Variants in CLYBL observed in about 807,000 individuals in gnomAD.
CLYBL encodes citramalyl-CoA lyase, also known as citramalyl-CoA lyase, mitochondrial.
Under a neutral mutation model 38.9 loss-of-function variants are expected in CLYBL, and 31 were observed. The observed-to-expected ratio is 0.80, with a 90% CI of 0.60 to 1.08. CLYBL has a LOEUF of 1.08. Ranked by LOEUF, CLYBL falls within the 50% of genes least tolerant of loss-of-function variation. CLYBL has a pLI of 0.00. For synonymous variants in CLYBL, 171 were observed against 158.6 expected (o/e 1.08, Z -0.59); for missense variants, 434 against 411.6 (o/e 1.05, Z -0.47).
intron 2 of CLYBL, among the ~76,000 whole-genome samples, chr13:99,813,756 A>G (rs896529560): frequency 6.6e-6 from 1 of 152,218 alleles, no homozygotes; most frequent in African/African-American, 2.4e-5. Context: ...GTAGTACTGT[A>G]TATATATACT....
downstream of CLYBL, chr13:99,894,585 T>C (rs2052548669): frequency 2.0e-5 from 3 of 152,004 alleles, no homozygotes; most frequent in Non-Finnish European, 4.4e-5. Flanking sequence ...TAATAAATCA[T>C]CAGGTGCAAG....
chr13:99,769,769 A>G (rs1301972121), intron 1 of CLYBL, among the ~76,000 whole-genome samples: 1 of 152,196 alleles, frequency 6.6e-6, no homozygotes, highest in Non-Finnish European at 1.5e-5. Context: ...TTGTGGCAAA[A>G]TAAGACCCAG....
intron 2 of CLYBL, among the ~76,000 whole-genome samples, chr13:99,828,192 A>C (rs998741558): frequency 5.3e-5 from 8 of 152,082 alleles, no homozygotes; most frequent in Admixed American, 2.6e-4. Context: ...ATGGGCAAAA[A>C]CTCTATAGAG....
intron 2 of CLYBL, among the ~76,000 whole-genome samples, chr13:99,813,525 A>G (rs2050382816): frequency 6.6e-6 from 1 of 152,188 alleles, no homozygotes; most frequent in South Asian, 2.1e-4. Flanking sequence ...GACTAACAGG[A>G]TAGACTTTGG....
At chr13:99,852,242 C>CT (rs994365625) in intron 2 of CLYBL, among the ~76,000 whole-genome samples, 2 of 152,138 alleles carry the variant, frequency 1.3e-5, no homozygotes, top group Non-Finnish European at 2.9e-5. Flanking sequence ...TACATACCTT[C>CT]TTTTTTTGTT....
At chr13:99,734,913 T>C (rs2048643666) in intron 1 of CLYBL, among the ~76,000 whole-genome samples, 1 of 152,208 alleles carries the variant, frequency 6.6e-6, no homozygotes, top group Non-Finnish European at 1.5e-5. Context: ...TATATTACTA[T>C]AAAATCTACC....
intron 7 of CLYBL, among the ~76,000 whole-genome samples, chr13:99,889,495 G>A (rs539282441): frequency 2.0e-5 from 3 of 152,246 alleles, no homozygotes; most frequent in Admixed American, 1.3e-4. Flanking sequence ...AAATTAGCTC[G>A]AGGCTGAATG....
chr13:99,752,644 T>C (rs187796033), intron 1 of CLYBL, among the ~76,000 whole-genome samples: 33 of 152,224 alleles, frequency 2.2e-4, no homozygotes, highest in Non-Finnish European at 4.1e-4. Context: ...GTCCCTGCGC[T>C]GCTGTCTTCC....
intron 2 of CLYBL, among the ~76,000 whole-genome samples, chr13:99,835,090 G>C (rs1241136541): frequency 1.3e-5 from 2 of 152,212 alleles, no homozygotes; most frequent in African/African-American, 2.4e-5. Flanking sequence ...CTGTCTCTCT[G>C]TGGTTACCTC....
At chr13:99,668,691 A>T (rs964886326) in intron 1 of CLYBL, among the ~76,000 whole-genome samples, 6 of 152,196 alleles carry the variant, frequency 3.9e-5, no homozygotes, top group African/African-American at 1.4e-4. Context: ...GCTGATGTCT[A>T]AATCCCCTCC....
At chr13:99,655,556 T>C (rs1268631350) in intron 1 of CLYBL, among the ~76,000 whole-genome samples, 1 of 152,190 alleles carries the variant, frequency 6.6e-6, no homozygotes, top group East Asian at 1.9e-4. Flanking sequence ...GGAGGGGCGC[T>C]ACTAGGGGGT....
At chr13:99,700,948 G>A (rs557446766) in intron 1 of CLYBL, among the ~76,000 whole-genome samples, 1 of 151,986 alleles carries the variant, frequency 6.6e-6, no homozygotes, top group Admixed American at 6.5e-5. Context: ...AGATTTCTTC[G>A]TCGATGTCAG....
Position 99,719,039 on chromosome 13 carries a change from C to T in CLYBL, c.63-53785C>T, listed in dbSNP as rs528809980. Among the ~76,000 whole-genome samples, 38 of 151,862 alleles carry T rather than the reference C, an allele frequency of 2.5e-4. 2 individuals are homozygous for T. The South Asian group carries it at 6.0e-3, about 24-fold the overall frequency. ...GTATTTTTAGTAGAGATTTCTCCTA[C>T]ATGGGGTTTCTCCATGTTGGTCAGG... On this transcript the variant is annotated intron_variant, in intron 1 of 8. Coordinates refer to ENST00000339105, the MANE Select transcript of CLYBL (RefSeq NM_206808.5).
At chr13:99,725,972 C>T (rs1157423433) in intron 1 of CLYBL, among the ~76,000 whole-genome samples, 1 of 152,142 alleles carries the variant, frequency 6.6e-6, no homozygotes, top group Non-Finnish European at 1.5e-5. Context: ...ATCCCTTTTT[C>T]TCCAGTTGAA....
chr13:99,658,330 C>A (rs549817328), intron 1 of CLYBL, among the ~76,000 whole-genome samples: 1 of 152,348 alleles, frequency 6.6e-6, no homozygotes, highest in South Asian at 2.1e-4. Flanking sequence ...CCACCTTCAG[C>A]GCTCCTCCCA....
At chr13:99,781,377 A>G (rs567191841) in intron 2 of CLYBL, among the ~76,000 whole-genome samples, 7 of 151,666 alleles carry the variant, frequency 4.6e-5, no homozygotes, top group Non-Finnish European at 7.4e-5. Flanking sequence ...TCACTGTGTT[A>G]GCCAGGATGG....
intron 2 of CLYBL, among the ~76,000 whole-genome samples, chr13:99,781,071 T>C (rs1408596120): frequency 6.6e-6 from 1 of 151,770 alleles, no homozygotes; most frequent in Non-Finnish European, 1.5e-5. Context: ...CACCATTATA[T>C]TTCATAATGT....
chr13:99,644,605 C>A (rs939692491), intron 1 of CLYBL, among the ~76,000 whole-genome samples: 2 of 152,078 alleles, frequency 1.3e-5, no homozygotes, highest in Admixed American at 6.6e-5. Context: ...CTAGAACTTA[C>A]TTCTTTCTAT....
At chr13:99,828,064 G>A (rs1043808091) in intron 2 of CLYBL, among the ~76,000 whole-genome samples, 2 of 152,142 alleles carry the variant, frequency 1.3e-5, no homozygotes, top group African/African-American at 2.4e-5. Context: ...CAGGACCCAC[G>A]GATTGCAGGG....
Sources: gnomAD v4.1 joint callset for allele counts (sites outside exome capture counted in the v4.1 genomes callset) on GRCh38, gnomAD v4.1.1 for gene constraint, MANE v1.5 for transcripts, NCBI Gene and HGNC (gene_info 2026-07-23, HGNC 2026-07-21) for gene names.